Variants in MATCAP2 observed in about 807,000 individuals in gnomAD.
The protein encoded by MATCAP2 is microtubule associated tyrosine carboxypeptidase 2.
chr7:36,390,128 C>A, the MATCAP2 span: 1 of 1,601,002 alleles, frequency 6.2e-7, no homozygotes, highest in Non-Finnish European at 8.5e-7. Context: ...CTGGGCGAAC[C>A]CCCACCGGGC....
chr7:36,352,957 C>T, the MATCAP2 span, among the ~76,000 whole-genome samples: 1 of 152,024 alleles, frequency 6.6e-6, no homozygotes, highest in Non-Finnish European at 1.5e-5. Context: ...CAGAAGGTGC[C>T]TTGTCTATGC....
At chr7:36,337,168 C>T in the MATCAP2 span, among the ~76,000 whole-genome samples, 7 of 141,180 alleles carry the variant, frequency 5.0e-5, no homozygotes, top group African/African-American at 1.8e-4. Context: ...TCCTGGGCTA[C>T]TCTTTGGCAG....
At chr7:36,385,850 A>G in the MATCAP2 span, among the ~76,000 whole-genome samples, 49 of 147,038 alleles carry the variant, frequency 3.3e-4, no homozygotes, top group African/African-American at 9.7e-4. Context: ...AATAAAATAA[A>G]ATAAGATAAA....
the MATCAP2 span, among the ~76,000 whole-genome samples, chr7:36,343,643 AAAGAAAAG>A: frequency 8.8e-5 from 1 of 11,372 alleles, no homozygotes; most frequent in African/African-American, 1.2e-4. Flanking sequence ...AGAAAAAGAA[AAAGAAAAG>A]AGAAGGAAGG....
At chr7:36,357,000 A>G in the MATCAP2 span, 1 of 1,614,176 alleles carries the variant, frequency 6.2e-7, no homozygotes, top group Non-Finnish European at 8.5e-7. Context: ...GTATAGTCAG[A>G]TTTGAAGAAT....
At chr7:36,357,350 G>T in the MATCAP2 span, 1 of 1,614,104 alleles carries the variant, frequency 6.2e-7, no homozygotes, top group Non-Finnish European at 8.5e-7. Context: ...AGTGTTAGGA[G>T]ATTTGCTGGG....
the MATCAP2 span, among the ~76,000 whole-genome samples, chr7:36,345,922 T>C: frequency 6.6e-6 from 1 of 152,166 alleles, no homozygotes; most frequent in African/African-American, 2.4e-5. Flanking sequence ...TGGGAGAAAG[T>C]GTTTGCAAAT....
the MATCAP2 span, among the ~76,000 whole-genome samples, chr7:36,365,738 G>A: frequency 1.3e-5 from 2 of 152,230 alleles, no homozygotes; most frequent in Non-Finnish European, 2.9e-5. Flanking sequence ...TGCGGAGGTT[G>A]AGAAACCTTG....
At chr7:36,360,858 T>C in the MATCAP2 span, among the ~76,000 whole-genome samples, 100 of 152,314 alleles carry the variant, frequency 6.6e-4, no homozygotes, top group East Asian at 8.5e-3. Flanking sequence ...ACAGACTTAT[T>C]TGGAGGAAGT....
the MATCAP2 span, chr7:36,330,936 G>T: frequency 9.2e-7 from 1 of 1,083,856 alleles, no homozygotes; most frequent in Non-Finnish European, 1.4e-6. Context: ...TGAGGGGAAT[G>T]CTGATCTGGG....
the MATCAP2 span, among the ~76,000 whole-genome samples, chr7:36,334,560 A>G: frequency 6.6e-6 from 1 of 151,350 alleles, no homozygotes; most frequent in Non-Finnish European, 1.5e-5. Context: ...AAAAAAAAAA[A>G]AAAAATTCTA....
At chr7:36,326,125 G>A in the MATCAP2 span, 1 of 151,970 alleles carries the variant, frequency 6.6e-6, no homozygotes, top group African/African-American at 2.4e-5. Context: ...ATAGTTAAGA[G>A]ATAACCGGAC....
chr7:36,358,419 G>A, the MATCAP2 span, among the ~76,000 whole-genome samples: 61,968 of 151,970 alleles, frequency 0.41, 13,141 homozygotes, highest in African/African-American at 0.49. Flanking sequence ...TAGTAATGTC[G>A]CTTAGTATGA....
chr7:36,379,128 G>A, the MATCAP2 span, among the ~76,000 whole-genome samples: 4 of 152,224 alleles, frequency 2.6e-5, no homozygotes, highest in Non-Finnish European at 4.4e-5. Flanking sequence ...CAGTACCAAT[G>A]AGATGAACCA....
chr7:36,382,899 CTG>C, the MATCAP2 span, among the ~76,000 whole-genome samples: 1 of 152,208 alleles, frequency 6.6e-6, no homozygotes, highest in Non-Finnish European at 1.5e-5. Context: ...AAAGGATTTA[CTG>C]TGGTCCTTTA....
At chr7:36,385,086 A>G in the MATCAP2 span, among the ~76,000 whole-genome samples, 1 of 152,214 alleles carries the variant, frequency 6.6e-6, no homozygotes, top group African/African-American at 2.4e-5. Context: ...TACTAAAACT[A>G]AAAAGATCAG....
At chr7:36,324,808 A>G in the MATCAP2 span, 1 of 152,234 alleles carries the variant, frequency 6.6e-6, no homozygotes, top group Non-Finnish European at 1.5e-5. Context: ...CAGTAAGGCA[A>G]AAAAGCAGTT....
the MATCAP2 span, among the ~76,000 whole-genome samples, chr7:36,376,325 T>C: frequency 6.6e-5 from 10 of 152,256 alleles, no homozygotes; most frequent in African/African-American, 1.9e-4. Context: ...AACATCTTTA[T>C]TTCTGCCTTC....
the MATCAP2 span, among the ~76,000 whole-genome samples, chr7:36,366,075 G>C: frequency 2.0e-5 from 3 of 152,208 alleles, no homozygotes. Flanking sequence ...TAGTCTGGTA[G>C]GTACTGCATT....
Sources: gnomAD v4.1 joint callset for allele counts (sites outside exome capture counted in the v4.1 genomes callset) on GRCh38, gnomAD v4.1.1 for gene constraint, MANE v1.5 for transcripts, NCBI Gene and HGNC (gene_info 2026-07-23, HGNC 2026-07-21) for gene names.